The following LRP1B variants were observed in gnomAD, a reference collection of about 807,000 sequenced individuals.
LRP1B encodes the protein low-density lipoprotein receptor-related protein 1B.
LRP1B carries 217 observed loss-of-function variants against 556.6 expected under a neutral mutation model. The ratio of observed to expected loss-of-function variants is 0.39; its 90% CI spans 0.35 to 0.44. LRP1B has a LOEUF of 0.44. Ranked by LOEUF, LRP1B falls within the 20% of genes least tolerant of loss-of-function variation. The pLI is 1.00. For synonymous variants in LRP1B, 2,047 were observed against 1,865.8 expected, an observed-to-expected ratio of 1.10 and a Z score of -2.50; for missense variants, 5,053 against 5,620.8, an observed-to-expected ratio of 0.90 and a Z score of 3.23.
At chr2:140,865,855 C>T (rs1692933205) in intron 27 of LRP1B, among the ~76,000 whole-genome samples, 1 of 152,062 alleles carries the variant, frequency 6.6e-6, no homozygotes, top group Middle Eastern at 3.4e-3. Flanking sequence ...ATGCCTCCCC[C>T]CACCAAAAAA....
intron 7 of LRP1B, among the ~76,000 whole-genome samples, chr2:141,106,324 A>C (rs568114441): frequency 2.0e-5 from 3 of 152,284 alleles, no homozygotes; most frequent in African/African-American, 4.8e-5. Context: ...AATGCCCCCC[A>C]AAAAACACTG....
intron 2 of LRP1B, among the ~76,000 whole-genome samples, chr2:141,587,028 A>G (rs1687167379): frequency 6.6e-6 from 1 of 151,882 alleles, no homozygotes; most frequent in Admixed American, 6.6e-5. Flanking sequence ...AACATTATCC[A>G]TTTGCAAAAA....
chr2:140,526,295 T>C lies in LRP1B; in HGVS notation c.7818A>G (p.Arg2606=). 6.2e-7 allele frequency: 1 copy of C among 1,612,134 alleles called. No individual in the cohort carries two copies. Among genetic ancestry groups the C allele is most frequent in the African/African-American group, 1.3e-5 (1 of 74,898 alleles). Residue 2606 remains arginine (R), a synonymous_variant, in exon 48 of 91, where the codon AGA becomes AGG. Transcript: ENST00000389484. ...FRCADGTCIP[R]SARCNQNIDC... is the part of the protein sequence containing the mutation. Reference sequence around the variant, plus strand: ...CTATGTTCTGGTTGCATCGTGCTGATCTTGGAATACAAGTCCCATCTGCAC... The same window carrying C: ...CTATGTTCTGGTTGCATCGTGCTGACCTTGGAATACAAGTCCCATCTGCAC...
chr2:141,544,322 C>CTTCTTCTTCTTCTTCTTCTTCTTCTT lies in LRP1B; in HGVS notation c.206-63815_206-63790dup, dbSNP rs1685415436. Among the ~76,000 whole-genome samples the CTTCTTCTTCTTCTTCTTCTTCTTCTT allele has an allele frequency of 8.9e-4, 45 of 50,394 alleles. 2 individuals are homozygous for CTTCTTCTTCTTCTTCTTCTTCTTCTT. The highest frequency in any genetic ancestry group is 0.011 in the Middle Eastern group (1 of 90). The allele number at this position is 50,394 out of a possible 152,430, so 33.1% of individuals were successfully genotyped here. Reference sequence around the variant, plus strand: ...TCTTCTTCTTCTTCTTCTTCTTCTTCTTCTTCTTCTTCTTCTTCTTCTTCT... The same window carrying CTTCTTCTTCTTCTTCTTCTTCTTCTT: ...TCTTCTTCTTCTTCTTCTTCTTCTTCTTCTTCTTCTTCTTCTTCTTCTTCTTTTCTTCTTCTTCTTCTTCTTCTTCT... On this transcript the variant is annotated intron_variant, in intron 2 of 90. Transcript: ENST00000389484.
chr2:141,643,662 C>A (rs1689427993), intron 2 of LRP1B, among the ~76,000 whole-genome samples: 1 of 151,948 alleles, frequency 6.6e-6, no homozygotes, highest in Non-Finnish European at 1.5e-5. Context: ...GAAAATTGAG[C>A]TAAAAAGGAT....
chr2:140,860,013 A>T (rs927682088), intron 27 of LRP1B, among the ~76,000 whole-genome samples: 3 of 152,082 alleles, frequency 2.0e-5, no homozygotes, highest in Admixed American at 2.0e-4. Context: ...AATAATAAAT[A>T]AAAATTAAAA....
rs182604624 is a variant in LRP1B, at chr2:140,678,214, G to T, written c.6799+22036C>A. Among the ~76,000 whole-genome samples the T allele has an allele frequency of 3.3e-4, 50 of 152,290 alleles. 1 individual carries two copies. Among genetic ancestry groups the T allele is most frequent in the Admixed American group, 2.8e-3 (43 of 15,298 alleles). Reference sequence around the variant, plus strand: ...AAGAAACAAAAAAGACATTCATGAAGAATGATGTGGACAGGTATGAAAGGC... The same window carrying T: ...AAGAAACAAAAAAGACATTCATGAATAATGATGTGGACAGGTATGAAAGGC... On this transcript the variant is annotated intron_variant, in intron 41 of 90. Transcript: ENST00000389484.
At chr2:141,734,145 C>A (rs1184598424) in intron 2 of LRP1B, among the ~76,000 whole-genome samples, 1 of 152,026 alleles carries the variant, frequency 6.6e-6, no homozygotes, top group East Asian at 1.9e-4. Flanking sequence ...AAGCCAAGGG[C>A]AACACTGAAT....
chr2:141,581,430 C>T lies in LRP1B; in HGVS notation c.206-100897G>A, dbSNP rs529256553. Among the ~76,000 whole-genome samples the T allele has an allele frequency of 3.3e-5, 5 of 152,170 alleles. No homozygotes were observed. In the South Asian group the frequency reaches 8.3e-4, roughly 25 times the overall value. On this transcript the variant is annotated intron_variant, in intron 2 of 90. Coordinates refer to ENST00000389484, the MANE Select transcript of LRP1B (RefSeq NM_018557.3). The stretch of plus-strand genomic sequence containing the variant: ...TTTTATTTTTTTGGTATCAAAACAC[C>T]TATCTAGGTAGGTGGGAGGATGGGA...
At chr2:141,381,252 G>A (rs1029008154) in intron 3 of LRP1B, among the ~76,000 whole-genome samples, 8 of 151,474 alleles carry the variant, frequency 5.3e-5, no homozygotes, top group Non-Finnish European at 1.2e-4. Flanking sequence ...ACTGAAGAAT[G>A]AAATCACTGA....
intron 2 of LRP1B, among the ~76,000 whole-genome samples, chr2:141,621,779 G>C (rs1217442752): frequency 3.9e-5 from 6 of 152,082 alleles, no homozygotes; most frequent in Admixed American, 2.0e-4. Context: ...AAAAGAATGG[G>C]GAAAAGATTT....
intron 46 of LRP1B, among the ~76,000 whole-genome samples, chr2:140,535,034 T>G (rs1244291005): frequency 6.6e-6 from 1 of 152,200 alleles, no homozygotes; most frequent in Non-Finnish European, 1.5e-5. Flanking sequence ...ATAGGCCAGA[T>G]CTAGCCTGTG....
intron 2 of LRP1B, among the ~76,000 whole-genome samples, chr2:141,555,165 G>A (rs1044777977): frequency 1.3e-5 from 2 of 151,900 alleles, no homozygotes; most frequent in Non-Finnish European, 2.9e-5. Context: ...CTCTGCTAAA[G>A]GAAATATATG....
chr2:141,594,454 T>C (rs560204062), intron 2 of LRP1B, among the ~76,000 whole-genome samples: 29 of 152,246 alleles, frequency 1.9e-4, no homozygotes, highest in African/African-American at 7.0e-4. Flanking sequence ...GATATAGAAT[T>C]GAAGCTTCCA....
At chr2:141,389,150 A>G (rs1233252403) in intron 3 of LRP1B, among the ~76,000 whole-genome samples, 1 of 152,204 alleles carries the variant, frequency 6.6e-6, no homozygotes, top group Non-Finnish European at 1.5e-5. Context: ...TTATGGAATT[A>G]CAAGGGTCTC....
intron 1 of LRP1B, among the ~76,000 whole-genome samples, chr2:141,935,161 G>A (rs1407725353): frequency 2.0e-5 from 3 of 152,050 alleles, no homozygotes; most frequent in South Asian, 2.1e-4. Context: ...ATAGCTATTG[G>A]TCTAAAAGAT....
chr2:140,765,196 C>A (rs1160872560), intron 35 of LRP1B, among the ~76,000 whole-genome samples: 1 of 151,972 alleles, frequency 6.6e-6, no homozygotes, highest in Admixed American at 6.6e-5. Flanking sequence ...ATTATAGTAA[C>A]CATCAGTTGT....
intron 29 of LRP1B, among the ~76,000 whole-genome samples, chr2:140,849,871 G>T (rs527698294): frequency 6.6e-6 from 1 of 152,140 alleles, no homozygotes; most frequent in African/African-American, 2.4e-5. Context: ...GATCTGTCCT[G>T]AAGTTTTTCT....
At chr2:140,426,522 T>C (rs1328031563) in intron 66 of LRP1B, among the ~76,000 whole-genome samples, 1 of 152,148 alleles carries the variant, frequency 6.6e-6, no homozygotes, top group Non-Finnish European at 1.5e-5. Flanking sequence ...TGTTCCTGCC[T>C]TAACTGATGA....
Sources: allele counts gnomAD v4.1 joint callset (sites outside exome capture counted in the v4.1 genomes callset), GRCh38; gene constraint gnomAD v4.1.1; transcripts MANE v1.5; gene names NCBI Gene and HGNC (gene_info 2026-07-23, HGNC 2026-07-21).